Variants in NARF observed in about 807,000 individuals in gnomAD.
NARF encodes the protein iron-only hydrogenase-like protein 2.
Under a neutral mutation model 48.0 loss-of-function variants are expected in NARF, and 41 were observed. That is an observed-to-expected ratio of 0.85 (90% CI 0.66 to 1.11). The LOEUF (loss-of-function observed/expected upper bound fraction) is 1.11, where lower values mean the gene tolerates loss of function less well. Among genes scored for constraint, NARF ranks in the 50% least tolerant of loss-of-function variants. The pLI is 0.00. For synonymous variants in NARF, 215 were observed against 225.5 expected (o/e 0.95, Z 0.42); for missense variants, 613 against 590.2 (o/e 1.04, Z -0.40).
chr17:82,486,632 G>A (rs796203162), intron 10 of NARF, among the ~76,000 whole-genome samples: 13 of 152,324 alleles, frequency 8.5e-5, no homozygotes, highest in African/African-American at 3.1e-4. Context: ...CAGCTGGGCT[G>A]AGGAGCAGCC....
intron 6 of NARF, among the ~76,000 whole-genome samples, chr17:82,479,476 G>A (rs1383496085): frequency 2.0e-5 from 3 of 152,106 alleles, no homozygotes; most frequent in South Asian, 2.1e-4. Context: ...CCCCTGCCTC[G>A]GCCCGTCGTG....
At chr17:82,479,636 C>T (rs1021528449) in intron 6 of NARF, among the ~76,000 whole-genome samples, 9 of 152,244 alleles carry the variant, frequency 5.9e-5, no homozygotes, top group African/African-American at 1.9e-4. Flanking sequence ...GACTTTACAC[C>T]TCCCTCCGGG....
chr17:82,487,340 C>T (rs1231791525), intron 10 of NARF, among the ~76,000 whole-genome samples: 3 of 151,926 alleles, frequency 2.0e-5, no homozygotes, highest in South Asian at 2.1e-4. Flanking sequence ...AAAAATTAGC[C>T]GGGCGTGGTG....
chr17:82,475,859 C>T, intron 5 of NARF, among the ~76,000 whole-genome samples: 1 of 152,122 alleles, frequency 6.6e-6, no homozygotes, highest in East Asian at 1.9e-4. Context: ...TGAGAAGGTT[C>T]CATCCCAGTA....
At chr17:82,460,729 A>C (rs1439585011) in intron 2 of NARF, 2 of 152,338 alleles carry the variant, frequency 1.3e-5, no homozygotes, top group African/African-American at 4.8e-5. Flanking sequence ...GCGCCACTGC[A>C]CTCCAGCCTG....
At chr17:82,476,087 A>T (rs975757759) in intron 5 of NARF, among the ~76,000 whole-genome samples, 1 of 151,226 alleles carries the variant, frequency 6.6e-6, no homozygotes, top group Non-Finnish European at 1.5e-5. Flanking sequence ...GGCCCACTGC[A>T]ACCTCCATCC....
At chr17:82,458,655 G>T (rs755370106), upstream of NARF, 622 of 1,026,822 alleles carry the variant, frequency 6.1e-4, no homozygotes, top group Middle Eastern at 1.9e-3. Context: ...GTCCTCTCCC[G>T]GTGCTCTCAT....
intron 10 of NARF, 115 bp from the exon 11 acceptor site, chr17:82,487,801 A>T: frequency 8.5e-7 from 1 of 1,174,188 alleles, no homozygotes; most frequent in East Asian, 2.6e-5. Context: ...TCTCTACAAA[A>T]AATTTAAAAA....
chr17:82,473,494 G>A lies in NARF; in HGVS notation c.520+796G>A, dbSNP rs191501576. ...CTCCCGAGTAGCTGGGACTACAGGC[G>A]CCTGCCACCACACCCGGCTAATTTC... is the stretch of plus-strand genomic sequence containing the variant. On this transcript the variant is annotated intron_variant, in intron 5 of 10. Transcript: ENST00000309794. 3.9e-3 allele frequency among the ~76,000 whole-genome samples: 587 copies of A among 151,606 alleles called. 1 individual carries two copies. The highest frequency in any genetic ancestry group is 7.2e-3 in the Admixed American group (109 of 15,210).
chr17:82,469,778 G>A (rs2043655657), intron 4 of NARF, among the ~76,000 whole-genome samples: 2 of 152,080 alleles, frequency 1.3e-5, no homozygotes, highest in South Asian at 2.1e-4. Context: ...GCTAATTTTT[G>A]TATTTTTAGT....
intron 6 of NARF, chr17:82,480,142 C>G: frequency 3.2e-6 from 1 of 308,286 alleles, no homozygotes. Flanking sequence ...ACCACAGGGT[C>G]ACTTGGCAAC....
At chr17:82,480,024 C>T (rs369436215) in intron 6 of NARF, 72 of 158,172 alleles carry the variant, frequency 4.6e-4, no homozygotes, top group South Asian at 3.1e-3. Flanking sequence ...CGCAGAGACC[C>T]GGCCTCCAGC....
intron 10 of NARF, among the ~76,000 whole-genome samples, chr17:82,486,516 G>A (rs2044099575): frequency 6.6e-6 from 1 of 152,198 alleles, no homozygotes; most frequent in Admixed American, 6.5e-5. Flanking sequence ...GTAGAGGAGG[G>A]GAGGCCTCAG....
chr17:82,481,880 G>A (rs1212570952), intron 7 of NARF: 1 of 339,536 alleles, frequency 2.9e-6, no homozygotes, highest in African/African-American at 2.3e-5. Flanking sequence ...CACAAACCAA[G>A]TCTGCACTTA....
intron 5 of NARF, among the ~76,000 whole-genome samples, chr17:82,473,193 G>A (rs1006214981): frequency 1.3e-5 from 2 of 152,036 alleles, no homozygotes; most frequent in African/African-American, 4.8e-5. Flanking sequence ...TGCCTGCCTC[G>A]GGCTCCCAAA....
intron 5 of NARF, among the ~76,000 whole-genome samples, chr17:82,475,096 G>A (rs1173785238): frequency 6.6e-6 from 1 of 152,146 alleles, no homozygotes; most frequent in African/African-American, 2.4e-5. Flanking sequence ...CAACCTGGGA[G>A]TACCTGGTGT....
intron 4 of NARF, among the ~76,000 whole-genome samples, chr17:82,469,551 A>G (rs2043649090): frequency 1.3e-5 from 2 of 152,118 alleles, no homozygotes; most frequent in Non-Finnish European, 2.9e-5. Flanking sequence ...GCAAGTTCAG[A>G]AAGGGAAAAT....
chr17:82,458,960 C>T (rs1193485147), intron 1 of NARF, 130 bp downstream of exon 1: 11 of 1,221,502 alleles, frequency 9.0e-6, no homozygotes, highest in South Asian at 8.2e-5. Flanking sequence ...GGCCTCGGCA[C>T]CCTGGGCCCG....
chr17:82,473,145 T>C (rs1409022811), intron 5 of NARF, among the ~76,000 whole-genome samples: 1 of 152,072 alleles, frequency 6.6e-6, no homozygotes, highest in Admixed American at 6.5e-5. Context: ...TTTGCCATAT[T>C]GGCCAGGCTG....
Sources: gnomAD v4.1 joint callset for allele counts (sites outside exome capture counted in the v4.1 genomes callset) on GRCh38, gnomAD v4.1.1 for gene constraint, MANE v1.5 for transcripts, NCBI Gene and HGNC (gene_info 2026-07-23, HGNC 2026-07-21) for gene names.